ANKLE1: variants seen among roughly 807,000 people sequenced by gnomAD.
The protein encoded by ANKLE1 is structure-specific endonuclease ANKLE1.
Under a neutral mutation model 56.2 loss-of-function variants are expected in ANKLE1, and 59 were observed. That is an observed-to-expected ratio of 1.05 (90% confidence interval 0.85 to 1.30). The LOEUF (loss-of-function observed/expected upper bound fraction) is 1.30. Among genes scored for constraint, ANKLE1 ranks in the 50% most tolerant of loss-of-function variants. The probability of loss-of-function intolerance (pLI) is 0.00; values close to 1 mark genes in which losing one functional copy is unlikely to be tolerated. For missense variants in ANKLE1, 771 were observed against 816.1 expected (o/e 0.94, Z 0.67); for synonymous variants, 341 against 352.9 (o/e 0.97, Z 0.38).
chr19:17,282,381 G>T (rs1443349361), intron 2 of ANKLE1, among the ~76,000 whole-genome samples, 172 bp downstream of exon 2: 1 of 152,206 alleles, frequency 6.6e-6, no homozygotes, highest in African/African-American at 2.4e-5. Flanking sequence ...CGAGGGAGGC[G>T]CTGGGGTCCC....
In ANKLE1 at chr19:17,283,648, T is replaced by C. The variant is rs377545994; in HGVS notation, c.884T>C (p.Met295Thr). ...GGCTTCCAGTCCTCCCCTTCCTCCA[T>C]GCCTCTCCTGGACAGGAGTCCAGCT... ...AAGFQSSPSSMPLLDRSPAHS... is the reference protein window; with the variant it reads ...AAGFQSSPSSTPLLDRSPAHS... The change falls in exon 5 of 9, where the codon ATG (methionine) becomes ACG (threonine). Residue 295 changes from methionine to threonine, a missense_variant. Transcript: ENST00000404085. 8.1e-6 allele frequency: 13 copies of C among 1,613,224 alleles called. No homozygotes were observed. The highest frequency in any genetic ancestry group is 3.3e-4 in the Middle Eastern group (2 of 6,084).
At position 17,285,504 on chromosome 19, in the gene ANKLE1, A is replaced by T; in HGVS notation, c.1450A>T (p.Ile484Phe). Residue 484 changes from isoleucine to phenylalanine, a missense_variant, in exon 7 of 9, where the codon ATC (isoleucine) becomes TTC (phenylalanine). Coordinates refer to ENST00000404085, the MANE Select transcript of ANKLE1 (RefSeq NM_152363.6). The stretch of plus-strand genomic sequence containing the variant: ...GCGCCTTCAGACTTTCATCCGTGCC[A>T]TCTTCTACGTGGGCAAAGGGACGAG... The part of the protein sequence containing the change: ...AERLQTFIRA[I>F]FYVGKGTRAR... The T allele has an allele frequency of 6.2e-7, 1 of 1,613,880 alleles. No homozygotes were observed. The highest frequency in any genetic ancestry group is 8.5e-7 in the Non-Finnish European group (1 of 1,179,882).
At chr19:17,284,471 C>G (rs1414992287) in intron 6 of ANKLE1, among the ~76,000 whole-genome samples, 1 of 152,096 alleles carries the variant, frequency 6.6e-6, no homozygotes, top group African/African-American at 2.4e-5. Flanking sequence ...GCAACCTCCA[C>G]CTCCCAGGTT....
rs1237468499 is a variant in ANKLE1, at chr19:17,283,652, T to C, written c.888T>C (p.Pro296=). The C allele has an allele frequency of 6.2e-7, 1 of 1,612,976 alleles. No homozygotes were observed. Among genetic ancestry groups the C allele is most frequent in the South Asian group, 1.1e-5 (1 of 91,042 alleles). ...TCCAGTCCTCCCCTTCCTCCATGCC[T>C]CTCCTGGACAGGAGTCCAGCTCATA... The part of the protein sequence containing the change: ...AGFQSSPSSM[P]LLDRSPAHSP... Residue 296 remains proline, a synonymous_variant, in exon 5 of 9, where the codon CCT becomes CCC. Transcript: ENST00000404085.
intron 4 of ANKLE1, 72 bp downstream of exon 4, chr19:17,283,074 C>A: frequency 1.3e-6 from 2 of 1,536,308 alleles, no homozygotes; most frequent in Non-Finnish European, 1.7e-6. Flanking sequence ...TCTTCCCCAC[C>A]CCACCCATTG....
At chr19:17,284,300 C>T in intron 6 of ANKLE1, 34 bp downstream of exon 6, 2 of 1,596,806 alleles carry the variant, frequency 1.3e-6, no homozygotes, top group East Asian at 2.2e-5. Flanking sequence ...GAAATAGAAA[C>T]TAGAAAATTT....
At chr19:17,283,049 C>T in intron 4 of ANKLE1, 47 bp downstream of exon 4, 33 of 1,541,934 alleles carry the variant, frequency 2.1e-5, no homozygotes, top group Non-Finnish European at 2.8e-5. Context: ...CTGGACCAGT[C>T]CCTGACATCC....
At position 17,286,434 on chromosome 19, in the gene ANKLE1, G is replaced by T; in HGVS notation, c.1730G>T (p.Gly577Val). 1 of 1,610,524 alleles carries T rather than the reference G, an allele frequency of 6.2e-7. No individual in the cohort carries two copies. The highest frequency in any genetic ancestry group is 8.5e-7 in the Non-Finnish European group (1 of 1,178,648). The change falls in exon 9 of 9, where the codon GGC becomes GTC. Residue 577 changes from glycine (G) to valine (V), a missense_variant. By Grantham distance (109) the Gly-to-Val change is moderately radical. Coordinates refer to ENST00000404085, the MANE Select transcript of ANKLE1 (RefSeq NM_152363.6). ...GGGCACTGCTATGGAGTGGTGGCAG[G>T]CTGGCCACCTGCTCGTCGCCGGCGC... The part of the protein sequence containing the change: ...KQGHCYGVVA[G>V]WPPARRRRLG...
In ANKLE1 at chr19:17,282,920, A is replaced by C. The variant is rs1385209355; in HGVS notation, c.378A>C (p.Arg126=). 6.4e-7 allele frequency: 1 copy of C among 1,572,980 alleles called. No individual in the cohort carries two copies. Among genetic ancestry groups the C allele is most frequent in the Non-Finnish European group, 8.6e-7 (1 of 1,165,412 alleles). ...ALQQGHLECA[R]VLQDLDTRTR... is the part of the protein sequence containing the mutation. ...AGCAGGGACACCTGGAGTGCGCGCG[A>C]GTCCTGCAGGATCTCGACACGCGGA... Residue 126 remains arginine (R), a synonymous_variant, in exon 4 of 9, where the codon CGA becomes CGC. Coordinates refer to ENST00000404085, the MANE Select transcript of ANKLE1 (RefSeq NM_152363.6).
chr19:17,282,410 G>C, intron 2 of ANKLE1: 1 of 907,478 alleles, frequency 1.1e-6, no homozygotes, highest in Non-Finnish European at 1.6e-6. Flanking sequence ...GGCGTGGAAT[G>C]GGGCTGCGCT....
chr19:17,282,333 G>A, intron 2 of ANKLE1, 124 bp downstream of exon 2: 1 of 1,358,616 alleles, frequency 7.4e-7, no homozygotes, highest in Admixed American at 2.9e-5. Flanking sequence ...GGGATCTTGG[G>A]GAGGGAACTT....
chr19:17,283,068 C>T lies in ANKLE1; in HGVS notation c.460+66C>T. The T allele has an allele frequency of 2.6e-6, 4 of 1,533,362 alleles. No homozygotes were observed. In the Admixed American group the frequency reaches 5.9e-5, roughly 23 times the overall value. The allele number at this position is 1,533,362 out of a possible 1,614,324, so 95.0% of individuals were successfully genotyped here. On this transcript the variant is annotated intron_variant, in intron 4 of 8. Transcript: ENST00000404085. ...ACCAGTCCCTGACATCCAGGGTCTT[C>T]CCCACCCCACCCATTGGTTCTGACC...
Position 17,283,217 on chromosome 19 carries a change from A to C in ANKLE1, c.461-8A>C. 1 of 1,598,098 alleles carries C rather than the reference A, an allele frequency of 6.3e-7. No homozygotes were observed. Among genetic ancestry groups the C allele is most frequent in the Non-Finnish European group, 8.5e-7 (1 of 1,170,348 alleles). On this transcript the variant is annotated splice_polypyrimidine_tract_variant and splice_region_variant and intron_variant, in intron 4 of 8. Transcript: ENST00000404085. ...CCTCTCCTCTCTGGCCCCCACTCTC[A>C]CCTGCAGCCCCAGGCCTCTCTGGAC...
chr19:17,285,577 G>A lies in ANKLE1; in HGVS notation c.1523G>A (p.Arg508Gln), dbSNP rs748998458. Residue 508 changes from arginine to glutamine, a missense_variant, in exon 7 of 9, where the codon CGG (arginine) becomes CAG (glutamine). Transcript: ENST00000404085. ...HLWEALGHHGRSRKQPHQACP... is the reference protein window; with the variant it reads ...HLWEALGHHGQSRKQPHQACP... ...TGGGAGGCCCTTGGTCACCATGGGC[G>A]GTCAAGAAAACAGGTGTGAGGACAG... 110 of 1,613,794 alleles carry A rather than the reference G, an allele frequency of 6.8e-5. No homozygotes were observed. The highest frequency in any genetic ancestry group is 8.5e-5 in the Non-Finnish European group (100 of 1,179,870).
At position 17,282,964 on chromosome 19, in the gene ANKLE1, TC is replaced by T; in HGVS notation, c.423del (p.Ile141MetfsTer28). On this transcript the variant is annotated frameshift_variant, in exon 4 of 9. Coordinates refer to ENST00000404085, the MANE Select transcript of ANKLE1 (RefSeq NM_152363.6). LOFTEE classifies it high-confidence loss of function. ...ACGCGGACCAGGACCCGGACCCGGA[TC>T]GGGGCAGAGACTCAGGAGCCCGAGC... ...LDTRTRTRTR[I>X]GAETQEPEPA... 5.7e-6 allele frequency: 9 copies of T among 1,567,016 alleles called. No homozygotes were observed. The highest frequency in any genetic ancestry group is 2.3e-5 in the South Asian group (2 of 86,210).
At chr19:17,285,371 G>C in intron 6 of ANKLE1, 60 bp from the exon 7 acceptor site, 1 of 1,599,964 alleles carries the variant, frequency 6.3e-7, no homozygotes, top group Non-Finnish European at 8.5e-7. Context: ...TGACTTTAAG[G>C]ACTGCCTCTG....
chr19:17,283,515 C>T lies in ANKLE1; in HGVS notation c.751C>T (p.Leu251Phe). ...AGSLPPTRQG[L>F]LHVVHANQRV... is the part of the protein sequence containing the mutation. The stretch of plus-strand genomic sequence containing the variant: ...GTCATTGCCACCGACCAGGCAGGGA[C>T]TTCTGCATGTTGTCCATGCCAACCA... Residue 251 changes from leucine to phenylalanine, a missense_variant, in exon 5 of 9, where the codon CTT becomes TTT. Physicochemically the swap from Leu to Phe is conservative, Grantham distance 22 (BLOSUM62 0). Coordinates refer to ENST00000404085, the MANE Select transcript of ANKLE1 (RefSeq NM_152363.6). The T allele has an allele frequency of 6.2e-7, 1 of 1,612,880 alleles. No homozygotes were observed. Among genetic ancestry groups the T allele is most frequent in the African/African-American group, 1.3e-5 (1 of 74,788 alleles).
chr19:17,283,819 C>T lies in ANKLE1; in HGVS notation c.1055C>T (p.Pro352Leu), dbSNP rs753761718. 6.2e-7 allele frequency: 1 copy of T among 1,613,302 alleles called. No individual in the cohort carries two copies. Among genetic ancestry groups the T allele is most frequent in the Non-Finnish European group, 8.5e-7 (1 of 1,179,890 alleles). ...SSTGGREPVG[P>L]CRHLPVSTVS... ...ACAGGTGGCAGGGAACCTGTCGGCC[C>T]TTGCCGGCACCTGCCAGTCTCCACT... The change falls in exon 5 of 9, where the codon CCT becomes CTT. Residue 352 changes from proline (P) to leucine (L), a missense_variant. Pro to Leu is a moderately conservative substitution (Grantham distance 98). Coordinates refer to ENST00000404085, the MANE Select transcript of ANKLE1 (RefSeq NM_152363.6).
chr19:17,284,301 T>C (rs754716373), intron 6 of ANKLE1, 35 bp downstream of exon 6: 1 of 1,595,382 alleles, frequency 6.3e-7, no homozygotes, highest in Non-Finnish European at 8.6e-7. Context: ...AAATAGAAAC[T>C]AGAAAATTTG....
Sources: allele counts gnomAD v4.1 joint callset (sites outside exome capture counted in the v4.1 genomes callset), GRCh38; gene constraint gnomAD v4.1.1; transcripts MANE v1.5; gene names NCBI Gene and HGNC (gene_info 2026-07-23, HGNC 2026-07-21).